DYSF: variants seen among roughly 807,000 people sequenced by gnomAD.
The protein encoded by DYSF is dystrophy-associated fer-1-like 1.
A neutral mutation model predicts 274.9 loss-of-function variants in DYSF; 212 were observed. That is an observed-to-expected ratio of 0.77 (90% CI 0.69 to 0.86). DYSF has a LOEUF of 0.86. Among genes scored for constraint, DYSF ranks in the 40% least tolerant of loss-of-function variants. The pLI is 0.00. For missense variants in DYSF, 2,666 were observed against 2,783.2 expected (o/e 0.96, Z 0.95); for synonymous variants, 1,091 against 1,078.7 (o/e 1.01, Z -0.22).
chr2:71,532,830 T>TTCTATCTATCTATCTGTCTA (rs369157878), intron 14 of DYSF, among the ~76,000 whole-genome samples: 191 of 147,556 alleles, frequency 1.3e-3, no homozygotes, highest in Middle Eastern at 3.5e-3. Context: ...AGTACATTTA[T>TTCTATCTATCTATCTGTCTA]TCTATCTATC....
At chr2:71,486,022 A>G (rs2083330736) in intron 3 of DYSF, among the ~76,000 whole-genome samples, 1 of 152,076 alleles carries the variant, frequency 6.6e-6, no homozygotes, top group South Asian at 2.1e-4. Context: ...ACTGCCCTCC[A>G]GTCCTGCCTG....
chr2:71,632,844 C>T (rs1420472072), intron 41 of DYSF, among the ~76,000 whole-genome samples: 1 of 152,160 alleles, frequency 6.6e-6, no homozygotes, highest in Non-Finnish European at 1.5e-5. Context: ...CCCACAGCTC[C>T]CCGACTCTCT....
chr2:71,527,576 C>A (rs907876369), intron 13 of DYSF, among the ~76,000 whole-genome samples: 2 of 121,368 alleles, frequency 1.6e-5, no homozygotes, highest in Non-Finnish European at 1.7e-5. Context: ...TGTTGAATTC[C>A]CTGCAACGTT....
At position 71,642,228 on chromosome 2, in the gene DYSF, A is replaced by T. The variant is rs1260622371; in HGVS notation, c.4528-1737A>T. On this transcript the variant is annotated intron_variant, in intron 41 of 55. Transcript: ENST00000410020. ...GAAAGAAAAATAAAGATTTAGGGGA[A>T]CTCAACAGCTAAATTGGATTCCATT... is the stretch of plus-strand genomic sequence containing the variant. Among the ~76,000 whole-genome samples, 109 of 152,180 alleles carry T rather than the reference A, an allele frequency of 7.2e-4. 1 individual carries two copies. The highest frequency in any genetic ancestry group is 1.9e-4 in the Non-Finnish European group (13 of 67,990).
In DYSF at chr2:71,686,550, G is replaced by T. The variant is rs539758159; in HGVS notation, c.*58G>T. ...GTCCCCTCCAGCATGGGACTGGCCT[G>T]CCTCCTCCGCCCAGCTCGGCGAGCT... On this transcript the variant is annotated 3_prime_UTR_variant, in exon 56 of 56. Coordinates refer to ENST00000410020, the MANE Select transcript of DYSF (RefSeq NM_001130987.2). 2.9e-5 allele frequency: 47 copies of T among 1,602,420 alleles called. No individual in the cohort carries two copies. The African/African-American group carries it at 5.6e-4, about 19-fold the overall frequency.
In DYSF at chr2:71,590,134, T is replaced by G. The variant is rs531160705; in HGVS notation, c.3497-77T>G. On this transcript the variant is annotated intron_variant, in intron 31 of 55. Coordinates refer to ENST00000410020, the MANE Select transcript of DYSF (RefSeq NM_001130987.2). ...TCTGCTGCCCTTTCTAGGGACAGAC[T>G]CCACCTCCCCCCGAGCCCCAGCTCT... 1.5e-4 allele frequency: 225 copies of G among 1,453,932 alleles called. 2 individuals are homozygous for G. The South Asian group carries it at 2.4e-3, about 16-fold the overall frequency. The allele number at this position is 1,453,932 out of a possible 1,614,324, so 90.1% of individuals were successfully genotyped here. A position where few individuals can be genotyped will look rare whatever the true frequency, so the allele number is the denominator to read the frequency against.
intron 3 of DYSF, among the ~76,000 whole-genome samples, chr2:71,502,845 G>A (rs1206497024): frequency 1.3e-5 from 2 of 152,196 alleles, no homozygotes; most frequent in African/African-American, 4.8e-5. Flanking sequence ...GGGCTCAGGG[G>A]CAGTGTGGGG....
At chr2:71,462,898 G>C (rs2081341284), upstream of DYSF, among the ~76,000 whole-genome samples, 1 of 152,192 alleles carries the variant, frequency 6.6e-6, no homozygotes. Flanking sequence ...AGTGTGTGCT[G>C]TTTGGTCCAT....
chr2:71,511,707 A>G, intron 4 of DYSF, 100 bp from the exon 5 acceptor site: 1 of 815,546 alleles, frequency 1.2e-6, no homozygotes, highest in Non-Finnish European at 2.1e-6. Context: ...TGTCAGAGCC[A>G]TATTCCTTGG....
chr2:71,578,451 T>C (rs1166125548), intron 30 of DYSF, among the ~76,000 whole-genome samples: 1 of 152,148 alleles, frequency 6.6e-6, no homozygotes, highest in East Asian at 1.9e-4. Flanking sequence ...GATCTGATGG[T>C]GGAGGCCTGG....
chr2:71,542,195 A>C (rs1331404566), intron 17 of DYSF, among the ~76,000 whole-genome samples: 1 of 152,232 alleles, frequency 6.6e-6, no homozygotes, highest in East Asian at 1.9e-4. Context: ...ATGAGGTTAT[A>C]AAAGTAAGGT....
At chr2:71,498,533 C>T (rs991555078) in intron 3 of DYSF, among the ~76,000 whole-genome samples, 11 of 152,200 alleles carry the variant, frequency 7.2e-5, no homozygotes, top group Non-Finnish European at 1.2e-4. Context: ...ACAATAGTGA[C>T]GTTATCCATA....
chr2:71,463,441 C>G (rs1369768609), upstream of DYSF, among the ~76,000 whole-genome samples: 1 of 152,194 alleles, frequency 6.6e-6, no homozygotes, highest in Non-Finnish European at 1.5e-5. Flanking sequence ...TGCCTGGGAG[C>G]TTGGGGCTCC....
At chr2:71,620,701 G>A in intron 41 of DYSF, 92 bp downstream of exon 41, 1 of 1,331,176 alleles carries the variant, frequency 7.5e-7, no homozygotes, top group Non-Finnish European at 1.0e-6. Flanking sequence ...GGGAGAGTGG[G>A]AGGGAAGAAA....
intron 4 of DYSF, among the ~76,000 whole-genome samples, chr2:71,506,626 GA>G (rs1298048401): frequency 2.0e-5 from 3 of 152,144 alleles, no homozygotes; most frequent in African/African-American, 7.2e-5. Flanking sequence ...CCCCCAGGAA[GA>G]AAATCTTAGC....
intron 48 of DYSF, 82 bp from the exon 49 acceptor site, chr2:71,668,672 T>G (rs2095061692): frequency 1.5e-6 from 2 of 1,349,666 alleles, no homozygotes; most frequent in East Asian, 4.9e-5. Context: ...TTCTGTGCCC[T>G]CAGCATCTGG....
chr2:71,622,135 T>TTTTTTGTTG (rs2094120689), intron 41 of DYSF, among the ~76,000 whole-genome samples: 1 of 138,612 alleles, frequency 7.2e-6, no homozygotes, highest in East Asian at 2.1e-4. Context: ...TCTTTGTTTT[T>TTTTTTGTTG]TTTTTTTTTT....
chr2:71,453,951 C>T, exon 1 of DYSF: 1 of 1,601,580 alleles, frequency 6.2e-7, no homozygotes, highest in South Asian at 1.1e-5. Context: ...CCGACCTTTC[C>T]GAGCCCTCTT....
At chr2:71,679,429 C>G (rs770441901) in intron 53 of DYSF, among the ~76,000 whole-genome samples, 194 bp downstream of exon 53, 5 of 151,978 alleles carry the variant, frequency 3.3e-5, no homozygotes, top group African/African-American at 4.8e-5. Context: ...CGGTCGCCTT[C>G]TCCTTTGCGG....
Sources: allele counts gnomAD v4.1 joint callset (sites outside exome capture counted in the v4.1 genomes callset), GRCh38; gene constraint gnomAD v4.1.1; transcripts MANE v1.5; gene names NCBI Gene and HGNC (gene_info 2026-07-23, HGNC 2026-07-21).